The following CSTPP1 variants were observed in gnomAD, a reference collection of about 807,000 sequenced individuals.
The protein encoded by CSTPP1 is UPF0705 protein C11orf49.
chr11:47,015,933 C>G, the CSTPP1 span, among the ~76,000 whole-genome samples: 3 of 152,032 alleles, frequency 2.0e-5, no homozygotes, highest in East Asian at 5.8e-4. Context: ...TTTATAAAAT[C>G]GAGCATTCAT....
At chr11:47,041,364 A>C in the CSTPP1 span, 1 of 247,856 alleles carries the variant, frequency 4.0e-6, no homozygotes, top group Non-Finnish European at 8.5e-6. Context: ...GGGCCCTTGA[A>C]CTGTTTGCTG....
chr11:47,132,869 A>G, the CSTPP1 span, among the ~76,000 whole-genome samples: 1 of 152,184 alleles, frequency 6.6e-6, no homozygotes, highest in Non-Finnish European at 1.5e-5. Context: ...TCTGAATCTC[A>G]GCCCTCTTCC....
chr11:46,984,629 T>C, the CSTPP1 span, among the ~76,000 whole-genome samples: 1 of 152,080 alleles, frequency 6.6e-6, no homozygotes. Flanking sequence ...TTTTTACTGC[T>C]CTGAAAATAT....
At chr11:47,025,417 C>G in the CSTPP1 span, among the ~76,000 whole-genome samples, 2 of 152,178 alleles carry the variant, frequency 1.3e-5, no homozygotes, top group African/African-American at 4.8e-5. Flanking sequence ...GCATCCTAAA[C>G]CCCCTTCAAT....
the CSTPP1 span, among the ~76,000 whole-genome samples, chr11:47,005,320 T>G: frequency 1.3e-5 from 2 of 152,288 alleles, no homozygotes; most frequent in Admixed American, 1.3e-4. Flanking sequence ...ACAAAAATAT[T>G]AAGTATTGTT....
the CSTPP1 span, among the ~76,000 whole-genome samples, chr11:47,045,262 T>G: frequency 6.6e-6 from 1 of 152,212 alleles, no homozygotes. Flanking sequence ...TGAGAGCATT[T>G]ACCACTCACA....
At chr11:47,137,181 T>C in the CSTPP1 span, 1 of 923,690 alleles carries the variant, frequency 1.1e-6, no homozygotes, top group Admixed American at 2.6e-5. Context: ...CTCTTCTCCC[T>C]ACACAGCAAG....
the CSTPP1 span, among the ~76,000 whole-genome samples, chr11:47,089,289 A>G: frequency 6.6e-6 from 1 of 152,216 alleles, no homozygotes; most frequent in East Asian, 1.9e-4. Context: ...ATCACTAGAT[A>G]ATTTCCTCTT....
At chr11:46,962,768 C>G in the CSTPP1 span, among the ~76,000 whole-genome samples, 1 of 152,160 alleles carries the variant, frequency 6.6e-6, no homozygotes, top group Non-Finnish European at 1.5e-5. Flanking sequence ...GCCTGGGCAA[C>G]ATGGCGAAAC....
chr11:46,949,669 CTT>C, the CSTPP1 span, among the ~76,000 whole-genome samples: 26 of 142,034 alleles, frequency 1.8e-4, no homozygotes, highest in African/African-American at 4.4e-4. Flanking sequence ...GAGAAAATAA[CTT>C]TTTTTTTTTT....
the CSTPP1 span, among the ~76,000 whole-genome samples, chr11:47,086,278 T>C: frequency 7.4e-6 from 1 of 135,624 alleles, no homozygotes; most frequent in Non-Finnish European, 1.6e-5. Flanking sequence ...TGGTAGTACA[T>C]ACCTGTAATC....
At chr11:47,052,539 T>C in the CSTPP1 span, 1 of 1,608,052 alleles carries the variant, frequency 6.2e-7, no homozygotes, top group Non-Finnish European at 8.5e-7. Flanking sequence ...CCAAATTCTT[T>C]TTCCTTCCTT....
the CSTPP1 span, among the ~76,000 whole-genome samples, chr11:47,064,795 A>G: frequency 6.6e-6 from 1 of 152,114 alleles, no homozygotes; most frequent in Non-Finnish European, 1.5e-5. Context: ...CCCAGGCTGG[A>G]GTGCAGTGGC....
At chr11:46,960,527 TTG>T in the CSTPP1 span, among the ~76,000 whole-genome samples, 1 of 152,336 alleles carries the variant, frequency 6.6e-6, no homozygotes, top group African/African-American at 2.4e-5. Flanking sequence ...ATGGGGTTTA[TTG>T]TGTCTGGCTT....
chr11:47,157,175 T>C, the CSTPP1 span: 5 of 1,608,520 alleles, frequency 3.1e-6, no homozygotes, highest in Non-Finnish European at 4.2e-6. Context: ...GGCGTCGCTG[T>C]TCTACCAGTG....
chr11:47,140,494 C>A, the CSTPP1 span, among the ~76,000 whole-genome samples: 3 of 152,256 alleles, frequency 2.0e-5, no homozygotes, highest in African/African-American at 7.2e-5. Flanking sequence ...GCAATCTTGG[C>A]TGACTGCAGC....
At chr11:47,089,257 A>G in the CSTPP1 span, among the ~76,000 whole-genome samples, 1 of 152,200 alleles carries the variant, frequency 6.6e-6, no homozygotes, top group Non-Finnish European at 1.5e-5. Flanking sequence ...AAAAATTTAG[A>G]AGCAATAATT....
the CSTPP1 span, chr11:47,052,881 TTAAG>T: frequency 6.1e-6 from 1 of 162,912 alleles, no homozygotes; most frequent in African/African-American, 2.4e-5. Flanking sequence ...ATCAGAGAGG[TTAAG>T]TAACTTGGCA....
chr11:46,980,947 C>T, the CSTPP1 span, among the ~76,000 whole-genome samples: 3 of 152,086 alleles, frequency 2.0e-5, no homozygotes, highest in Non-Finnish European at 4.4e-5. Context: ...AAAATAGATA[C>T]TCATACAGCT....
Sources: allele counts gnomAD v4.1 joint callset (sites outside exome capture counted in the v4.1 genomes callset), GRCh38; gene constraint gnomAD v4.1.1; transcripts MANE v1.5; gene names NCBI Gene and HGNC (gene_info 2026-07-23, HGNC 2026-07-21).